GABRB1: variants seen among roughly 807,000 people sequenced by gnomAD.
GABRB1 encodes gamma-aminobutyric acid type A receptor subunit beta1.
Under a neutral mutation model 51.6 loss-of-function variants are expected in GABRB1, and 17 were observed. That is an observed-to-expected ratio of 0.33 (90% CI 0.23 to 0.49). The LOEUF (loss-of-function observed/expected upper bound fraction) is 0.49. Ranked by LOEUF, GABRB1 falls within the 20% of genes least tolerant of loss-of-function variation. The pLI is 0.99. For missense variants in GABRB1, 410 were observed against 600.6 expected (o/e 0.68, Z 3.32); for synonymous variants, 247 against 218.9 (o/e 1.13, Z -1.14).
In GABRB1 at chr4:47,152,588, CTG is replaced by C. The variant is rs1717507985; in HGVS notation, c.241-8657_241-8656del. On this transcript the variant is annotated intron_variant, in intron 3 of 8. Transcript: ENST00000295454. Reference sequence around the variant, plus strand: ...CATCTGTCACTCATGAGTCACATAGCTGTGTTTTTCCTTGAGCCCTGTCTTCC... The same window carrying C: ...CATCTGTCACTCATGAGTCACATAGCTGTTTTTCCTTGAGCCCTGTCTTCC... Among the ~76,000 whole-genome samples, 4 of 152,110 alleles carry C rather than the reference CTG, an allele frequency of 2.6e-5. No individual in the cohort carries two copies. The South Asian group carries it at 8.3e-4, about 32-fold the overall frequency.
chr4:47,107,835 TA>T (rs1385324955), intron 3 of GABRB1, among the ~76,000 whole-genome samples: 1 of 152,176 alleles, frequency 6.6e-6, no homozygotes, highest in East Asian at 1.9e-4. Context: ...TCCCAAAACT[TA>T]AAAGAGCTCA....
chr4:47,059,838 T>G (rs1726771555), intron 3 of GABRB1, among the ~76,000 whole-genome samples: 1 of 152,214 alleles, frequency 6.6e-6, no homozygotes, highest in Non-Finnish European at 1.5e-5. Flanking sequence ...ATCCTCCAGA[T>G]AGTAAGCCTC....
At chr4:47,284,282 A>G (rs1723420577) in intron 4 of GABRB1, among the ~76,000 whole-genome samples, 1 of 152,056 alleles carries the variant, frequency 6.6e-6, no homozygotes, top group South Asian at 2.1e-4. Context: ...CCACACTTCT[A>G]TTACAAGTAA....
chr4:46,995,760 T>A (rs1036514944), intron 1 of GABRB1, among the ~76,000 whole-genome samples: 9 of 152,178 alleles, frequency 5.9e-5, no homozygotes, highest in Non-Finnish European at 1.3e-4. Context: ...TATCAAAAAA[T>A]TAAGAAACCA....
intron 4 of GABRB1, among the ~76,000 whole-genome samples, chr4:47,293,752 C>A (rs934055010): frequency 6.6e-6 from 1 of 152,134 alleles, no homozygotes; most frequent in African/African-American, 2.4e-5. Flanking sequence ...CACACACATA[C>A]AGTTATATTT....
intron 3 of GABRB1, among the ~76,000 whole-genome samples, chr4:47,102,511 C>A (rs974685224): frequency 1.3e-5 from 2 of 151,884 alleles, no homozygotes; most frequent in African/African-American, 4.8e-5. Flanking sequence ...AGTTGAGTAA[C>A]CTCCGCTAAT....
At chr4:47,322,142 C>T (rs943973180) in intron 5 of GABRB1, among the ~76,000 whole-genome samples, 2 of 151,824 alleles carry the variant, frequency 1.3e-5, no homozygotes, top group African/African-American at 4.8e-5. Flanking sequence ...TGAGGGAAGC[C>T]CAGGCACCCA....
At chr4:47,329,721 T>A (rs1020414315) in intron 5 of GABRB1, among the ~76,000 whole-genome samples, 2 of 149,080 alleles carry the variant, frequency 1.3e-5, no homozygotes, top group African/African-American at 4.9e-5. Context: ...ATATGATACA[T>A]AGCTATCAAT....
intron 5 of GABRB1, among the ~76,000 whole-genome samples, chr4:47,353,001 G>C (rs1726414004): frequency 6.6e-6 from 1 of 152,148 alleles, no homozygotes; most frequent in South Asian, 2.1e-4. Context: ...CCACATGGTT[G>C]GGGAGACCTC....
chr4:47,248,508 T>C (rs1289343195), intron 4 of GABRB1, among the ~76,000 whole-genome samples: 1 of 152,152 alleles, frequency 6.6e-6, no homozygotes, highest in African/African-American at 2.4e-5. Flanking sequence ...ATTAGGGTGA[T>C]GCTGGCTTCA....
At chr4:47,238,074 T>A (rs1721393899) in intron 4 of GABRB1, among the ~76,000 whole-genome samples, 1 of 151,948 alleles carries the variant, frequency 6.6e-6, no homozygotes. Context: ...CAATAGCATA[T>A]TTAAATGATG....
intron 1 of GABRB1, among the ~76,000 whole-genome samples, chr4:46,996,668 G>C (rs1724008524): frequency 6.6e-6 from 1 of 152,110 alleles, no homozygotes; most frequent in African/African-American, 2.4e-5. Flanking sequence ...GTTAATGTGT[G>C]ATAAAAATCT....
At chr4:47,389,128 A>G (rs1041205499) in intron 5 of GABRB1, among the ~76,000 whole-genome samples, 18 of 152,332 alleles carry the variant, frequency 1.2e-4, no homozygotes, top group Admixed American at 1.0e-3. Flanking sequence ...AGTCACATCA[A>G]GTAATTTATC....
chr4:47,010,345 T>C (rs952674317), intron 1 of GABRB1, among the ~76,000 whole-genome samples: 5 of 152,230 alleles, frequency 3.3e-5, no homozygotes, highest in African/African-American at 9.6e-5. Context: ...AATAACTTTT[T>C]ACATTATTTA....
chr4:47,210,994 T>A, intron 4 of GABRB1, among the ~76,000 whole-genome samples: 1 of 152,158 alleles, frequency 6.6e-6, no homozygotes, highest in East Asian at 1.9e-4. Flanking sequence ...AGCAAAGAGC[T>A]AAGAGTTCTA....
chr4:47,343,916 A>G (rs776809466), intron 5 of GABRB1, among the ~76,000 whole-genome samples: 51 of 152,218 alleles, frequency 3.4e-4, no homozygotes, highest in Non-Finnish European at 7.2e-4. Context: ...CATCTAGTTA[A>G]TGTCAAAGAC....
chr4:47,383,253 G>T (rs1210656141), intron 5 of GABRB1, among the ~76,000 whole-genome samples: 1 of 152,140 alleles, frequency 6.6e-6, no homozygotes, highest in Non-Finnish European at 1.5e-5. Flanking sequence ...CCAGAGAAAA[G>T]CTATTTTTCT....
chr4:47,143,171 C>A (rs1000054600), intron 3 of GABRB1, among the ~76,000 whole-genome samples: 8 of 151,968 alleles, frequency 5.3e-5, no homozygotes, highest in East Asian at 1.9e-4. Context: ...GAACAGGAAG[C>A]TAAAATGCTT....
chr4:47,154,861 G>A (rs1717620964), intron 3 of GABRB1, among the ~76,000 whole-genome samples: 1 of 151,938 alleles, frequency 6.6e-6, no homozygotes, highest in Non-Finnish European at 1.5e-5. Context: ...TTTCTCTACA[G>A]GCTAGCTTCC....
Sources: allele counts gnomAD v4.1 joint callset (sites outside exome capture counted in the v4.1 genomes callset), GRCh38; gene constraint gnomAD v4.1.1; transcripts MANE v1.5; gene names NCBI Gene and HGNC (gene_info 2026-07-23, HGNC 2026-07-21).